Variants in KCNH2 observed in about 807,000 individuals in gnomAD.
KCNH2 encodes the protein voltage-gated inwardly rectifying potassium channel KCNH2.
A neutral mutation model predicts 95.9 loss-of-function variants in KCNH2; 35 were observed. The observed-to-expected ratio is 0.37, with a 90% CI of 0.28 to 0.48. The LOEUF is 0.48. Among genes scored for constraint, KCNH2 ranks in the 20% least tolerant of loss-of-function variants. KCNH2 has a pLI of 0.99. For synonymous variants in KCNH2, 786 were observed against 754.7 expected (o/e 1.04, Z -0.68); for missense variants, 1,274 against 1,702.9 (o/e 0.75, Z 4.43).
chr7:150,960,893 T>C, intron 2 of KCNH2, among the ~76,000 whole-genome samples: 1 of 150,622 alleles, frequency 6.6e-6, no homozygotes, highest in Non-Finnish European at 1.5e-5. Context: ...CGTGCTGATT[T>C]CTGAAGGAGC....
rs1040863550 is a variant in KCNH2, at chr7:150,961,873, C to T, written c.308-2137G>A. Reference sequence around the variant, plus strand: ...TGCTGGCCAGGCTCGGGGATTCTAACCCGCTGGGGATTCATCTAGGGGAAC... The same window carrying T: ...TGCTGGCCAGGCTCGGGGATTCTAATCCGCTGGGGATTCATCTAGGGGAAC... On this transcript the variant is annotated intron_variant, in intron 2 of 14. Transcript: ENST00000262186. The surrounding 1 kb of genome is among the most constrained non-coding windows in gnomAD (Gnocchi z 6.2). 6.6e-6 allele frequency among the ~76,000 whole-genome samples: 1 copy of T among 152,188 alleles called. No individual in the cohort carries two copies. Among genetic ancestry groups the T allele is most frequent in the African/African-American group, 2.4e-5 (1 of 41,446 alleles).
chr7:150,947,187 G>A (rs1268993021), intron 13 of KCNH2, 133 bp from the exon 14 acceptor site: 3 of 1,099,130 alleles, frequency 2.7e-6, no homozygotes, highest in East Asian at 2.6e-5. Context: ...AGGTGTGGCA[G>A]CCCCCAGCTG....
chr7:150,972,376 G>A (rs918513211), intron 2 of KCNH2, among the ~76,000 whole-genome samples: 6 of 152,306 alleles, frequency 3.9e-5, no homozygotes, highest in African/African-American at 1.4e-4. Context: ...CCATGTGTGA[G>A]TACACACACA....
At position 150,951,478 on chromosome 7, in the gene KCNH2, T is replaced by A; in HGVS notation, c.1915A>T (p.Ile639Phe). 1 of 1,614,136 alleles carries A rather than the reference T, an allele frequency of 6.2e-7. No homozygotes were observed. The change falls in exon 7 of 15, where the codon ATC becomes TTC. Residue 639 changes from isoleucine (I) to phenylalanine (F), a missense_variant. Physicochemically the swap from Ile to Phe is conservative, Grantham distance 21. Transcript: ENST00000262186. ...NVSPNTNSEK[I>F]FSICVMLIGS... ...ATGAGCATGACGCAGATGGAGAAGA[T>A]CTTCTCTGAGTTGGTGTTGGGAGAG...
At chr7:150,972,636 G>A (rs970614787) in intron 2 of KCNH2, among the ~76,000 whole-genome samples, 3 of 152,214 alleles carry the variant, frequency 2.0e-5, no homozygotes, top group African/African-American at 7.2e-5. Context: ...AGAGTTTTCT[G>A]GGTCACAGCC....
At chr7:150,955,290 A>G (rs1485383928) in intron 5 of KCNH2, 5 of 1,168,708 alleles carry the variant, frequency 4.3e-6, no homozygotes, top group Non-Finnish European at 6.2e-6. Context: ...AAAGCTTCCT[A>G]CTTCCCAGCA....
chr7:150,957,487 A>C lies in KCNH2; in HGVS notation c.932T>G (p.Leu311Arg), dbSNP rs776378236. ...GGTGGAGTTGAGCAAGCCGCTGCGCAGTGGGTGCATGGCCCCTAGGTGGAG... is the reference window on the plus strand; with the variant it reads ...GGTGGAGTTGAGCAAGCCGCTGCGCCGTGGGTGCATGGCCCCTAGGTGGAG... ...RHASTGAMHPLRSGLLNSTSD... is the reference protein window; with the variant it reads ...RHASTGAMHPRRSGLLNSTSD... Residue 311 changes from leucine (L) to arginine (R), a missense_variant, in exon 5 of 15, where the codon CTG (leucine) becomes CGG (arginine). This residue lies in a region of KCNH2 where 392 missense variants were observed against 429.9 expected (regional missense o/e 0.91). Coordinates refer to ENST00000262186, the MANE Select transcript of KCNH2 (RefSeq NM_000238.4). 6.2e-7 allele frequency: 1 copy of C among 1,613,666 alleles called. No individual in the cohort carries two copies. The highest frequency in any genetic ancestry group is 1.1e-5 in the South Asian group (1 of 91,032).
At chr7:150,967,953 C>T (rs1485521678) in intron 2 of KCNH2, among the ~76,000 whole-genome samples, 1 of 152,150 alleles carries the variant, frequency 6.6e-6, no homozygotes, top group Admixed American at 6.5e-5. Flanking sequence ...AAGACGGCGA[C>T]GTCAAAATTA....
chr7:150,955,642 T>G, intron 5 of KCNH2: 1 of 1,422,150 alleles, frequency 7.0e-7, no homozygotes, highest in Non-Finnish European at 9.2e-7. Flanking sequence ...GCCCCTGGCA[T>G]GAAGCCAGGG....
intron 2 of KCNH2, among the ~76,000 whole-genome samples, chr7:150,970,924 C>A (rs1486633445): frequency 5.9e-5 from 9 of 152,206 alleles, no homozygotes; most frequent in Non-Finnish European, 1.5e-5. Context: ...TCCCACCTGC[C>A]TTCCCAGCCT....
Position 150,958,216 on chromosome 7 carries a change from C to T in KCNH2, c.759G>A (p.Ala253=), listed in dbSNP as rs1204547583. Residue 253 remains alanine (A), a synonymous_variant, in exon 4 of 15, where the codon GCG becomes GCA. Coordinates refer to ENST00000262186, the MANE Select transcript of KCNH2 (RefSeq NM_000238.4). ...SAPGQLPSPR[A]HSLNPDASGS... is the part of the protein sequence containing the mutation. The stretch of plus-strand genomic sequence containing the variant: ...CCGAGGCGTCGGGGTTGAGGCTGTG[C>T]GCCCGGGGCGATGGGAGCTGGCCGG... The T allele has an allele frequency of 3.6e-6, 5 of 1,369,992 alleles. No homozygotes were observed. The East Asian group carries it at 9.4e-5, about 26-fold the overall frequency. 84.9% of individuals were successfully genotyped at this position (1,369,992 alleles called of 1,614,324 possible).
chr7:150,966,723 A>G (rs1255286050), intron 2 of KCNH2, among the ~76,000 whole-genome samples: 1 of 152,244 alleles, frequency 6.6e-6, no homozygotes. Context: ...TACAATAGCA[A>G]CAAAAACTCT....
Position 150,952,951 on chromosome 7 carries a change from G to T in KCNH2, c.1129-98C>A. The T allele has an allele frequency of 8.2e-7, 1 of 1,223,598 alleles. No individual in the cohort carries two copies. Among genetic ancestry groups the T allele is most frequent in the Non-Finnish European group, 1.2e-6 (1 of 868,726 alleles). The allele number at this position is 1,223,598 out of a possible 1,614,324, so 75.8% of individuals were successfully genotyped here. A position where few individuals can be genotyped will look rare whatever the true frequency, so the allele number is the denominator to read the frequency against. On this transcript the variant is annotated intron_variant, in intron 5 of 14. Transcript: ENST00000262186. This position sits in a 1 kb window ranked among gnomAD's most constrained non-coding sequence, Gnocchi z 7.3. ...TGCCGGGGCCAAGCAGAATGAGGAG[G>T]AGGCCAAAAAAAGCTTCCATCAGAA...
intron 2 of KCNH2, 100 bp downstream of exon 2, chr7:150,974,611 G>GCCCCCCCCCCCCCCCCC: frequency 2.4e-5 from 19 of 795,724 alleles, no homozygotes; most frequent in South Asian, 6.9e-5. Flanking sequence ...TTCTCCAGCC[G>GCCCCCCCCCCCCCCCCC]CCCCCACACC....
chr7:150,970,500 CT>C (rs1234499295), intron 2 of KCNH2, among the ~76,000 whole-genome samples: 1 of 152,248 alleles, frequency 6.6e-6, no homozygotes, highest in East Asian at 1.9e-4. Flanking sequence ...TGCCTCACCC[CT>C]GGAGCAGGAC....
Position 150,947,823 on chromosome 7 carries a change from C to T in KCNH2, c.2748G>A (p.Gly916=). The change falls in exon 12 of 15, where the codon GGG becomes GGA. Residue 916 remains glycine (G), a synonymous_variant. Transcript: ENST00000262186. ...SALGPGRAGA[G]PSSRGRPGGP... is the part of the protein sequence containing the mutation. The stretch of plus-strand genomic sequence containing the variant: ...CCCCCGGCCGGCCCCGGCTACTCGG[C>T]CCTGCCCCCGCCCGGCCCGGCCCCA... 1.3e-6 allele frequency: 2 copies of T among 1,527,036 alleles called. No individual in the cohort carries two copies. Among genetic ancestry groups the T allele is most frequent in the South Asian group, 2.4e-5 (2 of 82,344 alleles). The allele number at this position is 1,527,036 out of a possible 1,614,324, so 94.6% of individuals were successfully genotyped here.
chr7:150,974,567 A>C, intron 2 of KCNH2, 144 bp downstream of exon 2: 1 of 690,034 alleles, frequency 1.4e-6, no homozygotes, highest in Non-Finnish European at 2.4e-6. Flanking sequence ...CGCCCGCGTC[A>C]CACCCCCACA....
rs955483479 is a variant in KCNH2, at chr7:150,952,343, G to A, written c.1557+82C>T. On this transcript the variant is annotated intron_variant, in intron 6 of 14. Transcript: ENST00000262186. This position sits in a 1 kb window ranked among gnomAD's most constrained non-coding sequence, Gnocchi z 7.3. ...CTCTCTCTTTTTCTCTGTCCTCCTCGCCACCCCCTCCACCCCACTACCTCC... is the reference window on the plus strand; with the variant it reads ...CTCTCTCTTTTTCTCTGTCCTCCTCACCACCCCCTCCACCCCACTACCTCC... 1.9e-5 allele frequency: 26 copies of A among 1,350,248 alleles called. No homozygotes were observed. The highest frequency in any genetic ancestry group is 8.7e-5 in the African/African-American group (6 of 68,710). 83.6% of individuals were successfully genotyped at this position (1,350,248 alleles called of 1,614,324 possible). A position where few individuals can be genotyped will look rare whatever the true frequency, so the allele number is the denominator to read the frequency against.
In KCNH2 at chr7:150,951,713, G is replaced by C. The variant is rs372725107; in HGVS notation, c.1680C>G (p.Ile560Met). ...ACCAGATGCAGGCTAGCCAGTGCGC[G>C]ATGAGCGCAAAGGTGCACATGAGCA... is the stretch of plus-strand genomic sequence containing the variant. ...LFLLMCTFAL[I>M]AHWLACIWYA... is the part of the protein sequence containing the mutation. Residue 560 changes from isoleucine (I) to methionine (M), a missense_variant, in exon 7 of 15, where the codon ATC becomes ATG. By Grantham distance (10) the Ile-to-Met change is conservative. This residue lies in a region of KCNH2 where 147 missense variants were observed against 344.4 expected (regional missense o/e 0.43). Transcript: ENST00000262186. The C allele has an allele frequency of 3.1e-6, 5 of 1,613,978 alleles. No homozygotes were observed. Among genetic ancestry groups the C allele is most frequent in the Non-Finnish European group, 8.5e-7 (1 of 1,179,946 alleles).
Sources: gnomAD v4.1 joint callset for allele counts (sites outside exome capture counted in the v4.1 genomes callset) on GRCh38, gnomAD v4.1.1 for gene constraint, gnomAD v4.1.1 regional missense constraint, Gnocchi (gnomAD v3.1) non-coding constraint, MANE v1.5 for transcripts, NCBI Gene and HGNC (gene_info 2026-07-23, HGNC 2026-07-21) for gene names.